Variants in ARFGEF2 observed in about 807,000 individuals in gnomAD.
The protein encoded by ARFGEF2 is brefeldin A-inhibited guanine nucleotide-exchange protein 2.
In ARFGEF2, 74 loss-of-function variants were observed where a neutral mutation model predicts 219.9. That is an observed-to-expected ratio of 0.34 (90% CI 0.28 to 0.41). ARFGEF2 has a LOEUF of 0.41. Ranked by LOEUF, ARFGEF2 falls within the 10% of genes least tolerant of loss-of-function variation. ARFGEF2 has a pLI of 1.00. For synonymous variants in ARFGEF2, 733 were observed against 799.2 expected (o/e 0.92, Z 1.40); for missense variants, 1,743 against 2,218.3 (o/e 0.79, Z 4.30).
At chr20:48,955,343 A>C (rs1174601057) in intron 6 of ARFGEF2, among the ~76,000 whole-genome samples, 1 of 151,996 alleles carries the variant, frequency 6.6e-6, no homozygotes, top group Non-Finnish European at 1.5e-5. Context: ...TCTCTGATCA[A>C]CTTCTGTAGC....
Position 49,034,139 on chromosome 20 carries a change from CAGTT to C in ARFGEF2, c.*944_*947del, listed in dbSNP as rs1266397262. Reference sequence around the variant, plus strand: ...CACCTCAGAAAAGTGAGTGTACTGGCAGTTAGTGTCACTGCTTTGCACAGTCCCC... The same window carrying C: ...CACCTCAGAAAAGTGAGTGTACTGGCAGTGTCACTGCTTTGCACAGTCCCC... On this transcript the variant is annotated 3_prime_UTR_variant, in exon 39 of 39. Transcript: ENST00000371917. The C allele has an allele frequency of 3.9e-5, 6 of 152,170 alleles. No homozygotes were observed. The highest frequency in any genetic ancestry group is 1.2e-4 in the African/African-American group (5 of 41,444). The allele number at this position is 152,170 out of a possible 1,614,324, so 9.4% of individuals were successfully genotyped here. A position where few individuals can be genotyped will look rare whatever the true frequency, so the allele number is the denominator to read the frequency against.
intron 22 of ARFGEF2, among the ~76,000 whole-genome samples, chr20:48,995,016 A>G (rs1180509038): frequency 6.6e-6 from 1 of 152,190 alleles, no homozygotes; most frequent in Admixed American, 6.5e-5. Context: ...CTCTGGCTAT[A>G]CATTGGATTG....
At chr20:48,937,183 G>A (rs1039645899) in intron 1 of ARFGEF2, among the ~76,000 whole-genome samples, 2 of 152,150 alleles carry the variant, frequency 1.3e-5, no homozygotes, top group Non-Finnish European at 2.9e-5. Flanking sequence ...CTGCTAGGCT[G>A]GATTATTAGC....
chr20:49,021,844 C>T (rs1412849150), intron 34 of ARFGEF2, among the ~76,000 whole-genome samples: 1 of 110,190 alleles, frequency 9.1e-6, no homozygotes, highest in Admixed American at 1.0e-4. Flanking sequence ...GACTCTGTCT[C>T]AAAAAAAAAA....
rs573621508 is a variant in ARFGEF2, at chr20:49,028,638, C to T, written c.5033C>T (p.Ser1678Phe). ...RMYVDENRRD[S>F]WEEIQQRLLT... is the part of the protein sequence containing the mutation. The stretch of plus-strand genomic sequence containing the variant: ...TATGTTGATGAGAACCGCAGGGATT[C>T]CTGGGAAGAAATACAGCAGAGACTT... Residue 1678 changes from serine to phenylalanine, a missense_variant, in exon 37 of 39, where the codon TCC (serine) becomes TTC (phenylalanine). Physicochemically the swap from Ser to Phe is radical, Grantham distance 155. Transcript: ENST00000371917. 6.2e-7 allele frequency: 1 copy of T among 1,614,078 alleles called. No individual in the cohort carries two copies. Among genetic ancestry groups the T allele is most frequent in the African/African-American group, 1.3e-5 (1 of 74,996 alleles).
rs563316095 is a variant in ARFGEF2, at chr20:48,954,817, G to A, written c.838+1027G>A. On this transcript the variant is annotated intron_variant, in intron 6 of 38. Transcript: ENST00000371917. ...TTGCCTTCTACTTACTTCTGCTGTC[G>A]AGAGTCCTAAGGAAGGTGCTCAGAA... is the stretch of plus-strand genomic sequence containing the variant. 3.7e-4 allele frequency among the ~76,000 whole-genome samples: 57 copies of A among 152,160 alleles called. 1 individual carries two copies. The East Asian group carries it at 7.0e-3, about 19-fold the overall frequency.
chr20:49,004,256 C>T (rs575385058), intron 25 of ARFGEF2, among the ~76,000 whole-genome samples: 7 of 151,478 alleles, frequency 4.6e-5, no homozygotes, highest in Admixed American at 3.9e-4. Context: ...CCCAGCTACT[C>T]GGGAGGCTGA....
chr20:48,985,430 G>C lies in ARFGEF2; in HGVS notation c.2093G>C (p.Gly698Ala). ...LDSTQVGDFL[G>A]DSARFNKEVM... ...CAGACCCAAGTAGGCGATTTTCTGGGAGATAGCGCAAGGTTCAACAAGGAG... is the reference window on the plus strand; with the variant it reads ...CAGACCCAAGTAGGCGATTTTCTGGCAGATAGCGCAAGGTTCAACAAGGAG... Residue 698 changes from glycine to alanine, a missense_variant, in exon 16 of 39, where the codon GGA becomes GCA. Physicochemically the swap from Gly to Ala is moderately conservative, Grantham distance 60 (BLOSUM62 0). Around this residue, in one of 5 missense-constraint regions of ARFGEF2, gnomAD observed 666 missense variants for 955.4 expected, o/e 0.70. Coordinates refer to ENST00000371917, the MANE Select transcript of ARFGEF2 (RefSeq NM_006420.3). 6.2e-7 allele frequency: 1 copy of C among 1,614,146 alleles called. No individual in the cohort carries two copies.
chr20:49,019,405 A>G (rs1320258689), intron 34 of ARFGEF2, among the ~76,000 whole-genome samples: 1 of 152,214 alleles, frequency 6.6e-6, no homozygotes, highest in African/African-American at 2.4e-5. Context: ...AAATCAGTAC[A>G]TAAGGAGCTT....
In ARFGEF2 at chr20:49,036,463, G is replaced by C; in HGVS notation, c.*3264G>C. 2.6e-6 allele frequency: 1 copy of C among 381,402 alleles called. No individual in the cohort carries two copies. Among genetic ancestry groups the C allele is most frequent in the Non-Finnish European group, 4.6e-6 (1 of 216,084 alleles). 23.6% of individuals were successfully genotyped at this position (381,402 alleles called of 1,614,324 possible). ...ACCTCCTTAAAATGCCTAAAAGTTA[G>C]TTAATAGTTACTTTGGTTTAACCTA... is the stretch of plus-strand genomic sequence containing the variant. On this transcript the variant is annotated 3_prime_UTR_variant, in exon 39 of 39. Transcript: ENST00000371917.
At chr20:48,938,283 A>G (rs916643652) in intron 1 of ARFGEF2, among the ~76,000 whole-genome samples, 5 of 152,170 alleles carry the variant, frequency 3.3e-5, no homozygotes, top group Non-Finnish European at 7.4e-5. Context: ...CAGTCCTTAA[A>G]AGCCACTTTT....
intron 1 of ARFGEF2, among the ~76,000 whole-genome samples, chr20:48,925,479 G>C (rs1368021462): frequency 6.6e-6 from 1 of 152,108 alleles, no homozygotes; most frequent in Non-Finnish European, 1.5e-5. Flanking sequence ...TTATGTTTCT[G>C]CTCTTAAACT....
At chr20:48,945,883 CACAG>C (rs1033000431) in intron 3 of ARFGEF2, among the ~76,000 whole-genome samples, 1 of 152,044 alleles carries the variant, frequency 6.6e-6, no homozygotes, top group African/African-American at 2.4e-5. Flanking sequence ...AGGAAAAACA[CACAG>C]AAAGGAATGG....
At chr20:49,005,849 A>G (rs2091456198) in intron 26 of ARFGEF2, among the ~76,000 whole-genome samples, 1 of 152,094 alleles carries the variant, frequency 6.6e-6, no homozygotes, top group African/African-American at 2.4e-5. Context: ...AACCAGGATA[A>G]GAATTATGTG....
chr20:48,937,436 A>C (rs1337201712), intron 1 of ARFGEF2, among the ~76,000 whole-genome samples: 1 of 152,100 alleles, frequency 6.6e-6, no homozygotes, highest in Non-Finnish European at 1.5e-5. Context: ...ATGGACTCCA[A>C]GTCTTTTTAC....
chr20:48,994,211 G>A (rs1255893160), intron 21 of ARFGEF2, among the ~76,000 whole-genome samples: 1 of 152,160 alleles, frequency 6.6e-6, no homozygotes, highest in East Asian at 1.9e-4. Flanking sequence ...CACGAGGAGG[G>A]TGGAAAAAGG....
chr20:48,943,725 C>A (rs1246351154), intron 3 of ARFGEF2, among the ~76,000 whole-genome samples: 1 of 152,304 alleles, frequency 6.6e-6, no homozygotes, highest in South Asian at 2.1e-4. Context: ...CATGAGCCAC[C>A]ACACCTGGCT....
At chr20:48,941,136 T>C in intron 1 of ARFGEF2, 63 bp from the exon 2 acceptor site, 1 of 1,486,798 alleles carries the variant, frequency 6.7e-7, no homozygotes, top group South Asian at 1.2e-5. Flanking sequence ...TATCTTTTAG[T>C]AAAGTTTTCC....
chr20:49,033,100 A>C lies in ARFGEF2; in HGVS notation c.5259A>C (p.Ala1753=). 6.2e-7 allele frequency: 1 copy of C among 1,614,068 alleles called. No individual in the cohort carries two copies. The highest frequency in any genetic ancestry group is 2.2e-5 in the East Asian group (1 of 44,888). Residue 1753 remains alanine (A), a synonymous_variant, in exon 39 of 39, where the codon GCA becomes GCC. Transcript: ENST00000371917. The stretch of plus-strand genomic sequence containing the variant: ...TTGACCTGATCCCTGAGCTCCGAGC[A>C]GTTCTGCGGAAGTTCTTCCTACGGA... The part of the protein sequence containing the change: ...MQFDLIPELR[A]VLRKFFLRIG...
Sources: allele counts gnomAD v4.1 joint callset (sites outside exome capture counted in the v4.1 genomes callset), GRCh38; gene constraint gnomAD v4.1.1; regional missense constraint gnomAD v4.1.1; transcripts MANE v1.5; gene names NCBI Gene and HGNC (gene_info 2026-07-23, HGNC 2026-07-21).